The following PODN variants were observed in gnomAD, a reference collection of about 807,000 sequenced individuals.
PODN encodes the protein podocan proteoglycan.
A neutral mutation model predicts 52.7 loss-of-function variants in PODN; 40 were observed. The observed-to-expected ratio is 0.76, with a 90% CI of 0.59 to 0.99. The LOEUF is 0.99. Ranked by LOEUF, PODN falls within the 50% of genes least tolerant of loss-of-function variation. The pLI is 0.00. For missense variants in PODN, 720 were observed against 815.1 expected, an observed-to-expected ratio of 0.88 and a Z score of 1.42; for synonymous variants, 396 against 377.9, an observed-to-expected ratio of 1.05 and a Z score of -0.56.
At chr1:53,067,336 C>T (rs966975491) in intron 1 of PODN, among the ~76,000 whole-genome samples, 12 of 152,176 alleles carry the variant, frequency 7.9e-5, no homozygotes, top group East Asian at 5.8e-4. Flanking sequence ...ACCCCTTTTA[C>T]GCTGCCCCCT....
In PODN at chr1:53,077,268, G is replaced by A. The variant is rs772129751; in HGVS notation, c.660G>A (p.Glu220=). ...DNMFNGSSNV[E]VLILSSNFLR... ...TGTTCAACGGCTCCAGCAACGTCGAGGTCCTCATCCTGTCCAGCAACTTCC... is the reference window on the plus strand; with the variant it reads ...TGTTCAACGGCTCCAGCAACGTCGAAGTCCTCATCCTGTCCAGCAACTTCC... Residue 220 remains glutamate (E), a synonymous_variant, in exon 6 of 11, where the codon GAG becomes GAA. Transcript: ENST00000312553. The A allele has an allele frequency of 1.9e-6, 3 of 1,613,452 alleles. No individual in the cohort carries two copies. Among genetic ancestry groups the A allele is most frequent in the South Asian group, 1.1e-5 (1 of 91,090 alleles).
At chr1:53,080,963 G>A in intron 9 of PODN, 87 bp downstream of exon 9, 1 of 1,521,668 alleles carries the variant, frequency 6.6e-7, no homozygotes, top group Non-Finnish European at 8.9e-7. Context: ...GGAACAGCTT[G>A]GCTCCACTGC....
rs763372499 is a variant in PODN at position 53,077,706 on chromosome 1, C to G, written c.760C>G (p.Pro254Ala). The G allele has an allele frequency of 3.7e-6, 6 of 1,613,114 alleles. No homozygotes were observed. Among genetic ancestry groups the G allele is most frequent in the Non-Finnish European group, 3.4e-6 (4 of 1,179,792 alleles). The change falls in exon 7 of 11, where the codon CCC becomes GCC. Residue 254 changes from proline to alanine, a missense_variant. Transcript: ENST00000312553. ...HLKNNKLEKI[P>A]PGAFSELSSL... Reference sequence around the variant, plus strand: ...CCAGAACAACAAGCTGGAGAAGATCCCCCCGGGGGCCTTCAGCGAGCTGAG... The same window carrying G: ...CCAGAACAACAAGCTGGAGAAGATCGCCCCGGGGGCCTTCAGCGAGCTGAG...
chr1:53,066,918 C>A (rs867261284), intron 1 of PODN: 1 of 1,512,048 alleles, frequency 6.6e-7, no homozygotes, highest in Non-Finnish European at 9.0e-7. Context: ...GGATTCTTCT[C>A]CTTGGCCTTC....
intron 4 of PODN, 106 bp downstream of exon 4, chr1:53,074,776 GTCCTTGTTGCTGCTCAGACATGGCCCT>G: frequency 1.8e-6 from 2 of 1,090,050 alleles, no homozygotes; most frequent in Non-Finnish European, 2.7e-6. Context: ...TCCCTGCTGG[GTCCTTGTTGCTGCTCAGACATGGCCCT>G]GGGTCGGGGG....
chr1:53,063,634 C>T (rs1435537963), intron 1 of PODN: 2 of 947,648 alleles, frequency 2.1e-6, no homozygotes, highest in African/African-American at 1.8e-5. Context: ...TCTGCTCCCT[C>T]ATGTCCACTC....
chr1:53,063,465 A>G (rs1171529865), intron 1 of PODN: 1 of 985,388 alleles, frequency 1.0e-6, no homozygotes, highest in Non-Finnish European at 1.2e-6. Context: ...CCTCCTTTAT[A>G]TAGAAACCTT....
Position 53,077,248 on chromosome 1 carries a change from A to G in PODN, c.640A>G (p.Asn214Asp), listed in dbSNP as rs745509438. Reference protein sequence around the residue: ...ADAGLPDNMFNGSSNVEVLIL... With the variant: ...ADAGLPDNMFDGSSNVEVLIL... ...CGCCGGGCTGCCGGACAACATGTTC[A>G]ACGGCTCCAGCAACGTCGAGGTCCT... The change falls in exon 6 of 11, where the codon AAC becomes GAC. Residue 214 changes from asparagine to aspartate, a missense_variant. Transcript: ENST00000312553. The G allele has an allele frequency of 6.2e-7, 1 of 1,613,470 alleles. No individual in the cohort carries two copies. The highest frequency in any genetic ancestry group is 8.5e-7 in the Non-Finnish European group (1 of 1,180,018).
intron 3 of PODN, among the ~76,000 whole-genome samples, chr1:53,074,204 C>T (rs908063740): frequency 5.3e-5 from 8 of 152,226 alleles, no homozygotes; most frequent in Admixed American, 1.3e-4. Context: ...GGCCCAGAGC[C>T]GCAGCCCCAC....
In PODN at chr1:53,076,009, A is replaced by G. The variant is rs370845951; in HGVS notation, c.581+38A>G. 71 of 1,494,642 alleles carry G rather than the reference A, an allele frequency of 4.8e-5. No individual in the cohort carries two copies. The African/African-American group carries it at 9.4e-4, about 20-fold the overall frequency. The allele number at this position is 1,494,642 out of a possible 1,614,324, so 92.6% of individuals were successfully genotyped here. A position where few individuals can be genotyped will look rare whatever the true frequency, so the allele number is the denominator to read the frequency against. ...GGGTGGTCAGGGCTCGGGCTGGGGC[A>G]AGGGGAGGGGCTGAGGTGGAGGCTG... On this transcript the variant is annotated intron_variant, in intron 5 of 10. Coordinates refer to ENST00000312553, the MANE Select transcript of PODN (RefSeq NM_153703.5).
chr1:53,063,703 C>T, intron 1 of PODN: 1 of 461,474 alleles, frequency 2.2e-6, no homozygotes, highest in Non-Finnish European at 2.8e-6. Flanking sequence ...ATGTCAGAGT[C>T]ACACGACTGT....
At chr1:53,080,915 G>A (rs920115610) in intron 9 of PODN, 39 bp downstream of exon 9, 2 of 1,606,528 alleles carry the variant, frequency 1.2e-6, no homozygotes, top group Non-Finnish European at 8.5e-7. Context: ...ACCCCCGTGG[G>A]GCCCACCCTG....
Position 53,082,795 on chromosome 1 carries a change from CACAG to C in PODN, c.*27+611_*27+614del, listed in dbSNP as rs576472055. On this transcript the variant is annotated intron_variant, in intron 10 of 10. Coordinates refer to ENST00000312553, the MANE Select transcript of PODN (RefSeq NM_153703.5). ...AGAACACACACACCACACACATGCA[CACAG>C]ACACACATACATGCTTGTACCCCAT... is the stretch of plus-strand genomic sequence containing the variant. Among the ~76,000 whole-genome samples, 11 of 152,268 alleles carry C rather than the reference CACAG, an allele frequency of 7.2e-5. No homozygotes were observed. In the East Asian group the frequency reaches 1.9e-3, roughly 27 times the overall value.
intron 5 of PODN, 113 bp from the exon 6 acceptor site, chr1:53,077,077 T>A: frequency 7.5e-7 from 1 of 1,342,004 alleles, no homozygotes; most frequent in South Asian, 1.4e-5. Flanking sequence ...CTCTGTACCC[T>A]TGAGTTTGGA....
intron 2 of PODN, chr1:53,071,256 G>T: frequency 3.1e-6 from 1 of 323,216 alleles, no homozygotes; most frequent in Non-Finnish European, 5.6e-6. Flanking sequence ...ACGCCTGGAG[G>T]AGATAGCATG....
chr1:53,064,274 C>T (rs1037576909), intron 1 of PODN, among the ~76,000 whole-genome samples: 1 of 152,224 alleles, frequency 6.6e-6, no homozygotes, highest in Non-Finnish European at 1.5e-5. Context: ...AGGATAAAGC[C>T]AGCCAAGGTT....
At chr1:53,065,227 A>G (rs1436274145) in intron 1 of PODN, among the ~76,000 whole-genome samples, 3 of 152,162 alleles carry the variant, frequency 2.0e-5, no homozygotes, top group Non-Finnish European at 4.4e-5. Flanking sequence ...GTGGAGGCAC[A>G]TGCCTGTAGT....
In PODN at chr1:53,085,337, G is replaced by A. The variant is rs1392356410; in HGVS notation, c.*852G>A. 1.3e-5 allele frequency: 2 copies of A among 152,286 alleles called. No individual in the cohort carries two copies. Among genetic ancestry groups the A allele is most frequent in the East Asian group, 3.8e-4 (2 of 5,198 alleles). The allele number at this position is 152,286 out of a possible 1,614,324, so 9.4% of individuals were successfully genotyped here. ...GGGGCTGGGCTGAGCCAGGGAGGAA[G>A]GACCCAGCTGCACCTAGGAGACACC... On this transcript the variant is annotated 3_prime_UTR_variant, in exon 11 of 11. Transcript: ENST00000312553.
chr1:53,064,127 G>T (rs962492477), intron 1 of PODN, among the ~76,000 whole-genome samples: 1 of 152,186 alleles, frequency 6.6e-6, no homozygotes, highest in Non-Finnish European at 1.5e-5. Flanking sequence ...CAAACTGGGG[G>T]AGTCAGAGCA....
Sources: allele counts gnomAD v4.1 joint callset (sites outside exome capture counted in the v4.1 genomes callset), GRCh38; gene constraint gnomAD v4.1.1; transcripts MANE v1.5; gene names NCBI Gene and HGNC (gene_info 2026-07-23, HGNC 2026-07-21).